The following PATJ variants were observed in gnomAD, a reference collection of about 807,000 sequenced individuals.
PATJ encodes PATJ crumbs cell polarity complex component, also known as inaD-like protein.
Under a neutral mutation model 224.9 loss-of-function variants are expected in PATJ, and 190 were observed. The ratio of observed to expected loss-of-function variants is 0.84; its 90% CI spans 0.75 to 0.95. The LOEUF is 0.95. Ranked by LOEUF, PATJ falls within the 40% of genes least tolerant of loss-of-function variation. The pLI, the probability that PATJ is intolerant of heterozygous loss-of-function variation, is 0.00. For missense variants in PATJ, 2,121 were observed against 2,270.3 expected (o/e 0.93, Z 1.34); for synonymous variants, 769 against 820.3 (o/e 0.94, Z 1.07).
chr1:62,144,777 A>AAATATATATATATATATATATAT (rs377489788), intron 41 of PATJ, among the ~76,000 whole-genome samples: 12 of 119,102 alleles, frequency 1.0e-4, no homozygotes, highest in South Asian at 5.4e-4. Flanking sequence ...AAAAAAAAAA[A>AAATATATATATATATATATATAT]ATATATATAT....
At chr1:62,142,393 C>T (rs1438606252) in intron 41 of PATJ, among the ~76,000 whole-genome samples, 1 of 152,112 alleles carries the variant, frequency 6.6e-6, no homozygotes, top group Non-Finnish European at 1.5e-5. Context: ...CTCCTTGTAA[C>T]CTCCATCAGT....
At chr1:62,100,493 T>A in intron 33 of PATJ, 1 of 679,532 alleles carries the variant, frequency 1.5e-6, no homozygotes, top group Non-Finnish European at 2.7e-6. Flanking sequence ...AATCCATCCT[T>A]GAGGGCAGAG....
intron 1 of PATJ, among the ~76,000 whole-genome samples, chr1:61,752,311 C>CT (rs370759266): frequency 0.39 from 48,148 of 123,896 alleles, 10,291 homozygotes; most frequent in African/African-American, 0.52. Context: ...TCATTTCTTT[C>CT]TTTTTTTTTT....
At chr1:61,746,852 A>G (rs946074402) in intron 1 of PATJ, among the ~76,000 whole-genome samples, 5 of 152,248 alleles carry the variant, frequency 3.3e-5, no homozygotes, top group African/African-American at 4.8e-5. Flanking sequence ...ATTTTCTTTC[A>G]GATTGCATTT....
intron 17 of PATJ, among the ~76,000 whole-genome samples, chr1:61,842,587 T>C (rs950633033): frequency 2.6e-5 from 4 of 152,018 alleles, no homozygotes; most frequent in African/African-American, 9.7e-5. Flanking sequence ...CTATAAATAT[T>C]AGTGTTTTTG....
At chr1:61,955,095 C>T (rs1680257791) in intron 27 of PATJ, among the ~76,000 whole-genome samples, 1 of 152,114 alleles carries the variant, frequency 6.6e-6, no homozygotes. Flanking sequence ...GTGAGGAATT[C>T]ATATTGCACA....
chr1:61,761,445 G>T (rs1002851943), intron 1 of PATJ, among the ~76,000 whole-genome samples: 2 of 152,150 alleles, frequency 1.3e-5, no homozygotes, highest in Non-Finnish European at 2.9e-5. Flanking sequence ...ATAAAGGGTA[G>T]ATTAACAAGA....
At chr1:61,822,621 G>T (rs1657517226) in intron 14 of PATJ, among the ~76,000 whole-genome samples, 1 of 152,064 alleles carries the variant, frequency 6.6e-6, no homozygotes, top group Admixed American at 6.6e-5. Flanking sequence ...AGGGGATGGG[G>T]AGTCCCATAG....
At chr1:62,149,686 A>G (rs889026799) in intron 42 of PATJ, among the ~76,000 whole-genome samples, 4 of 152,032 alleles carry the variant, frequency 2.6e-5, no homozygotes, top group African/African-American at 9.7e-5. Flanking sequence ...ATGGAAATAC[A>G]GAGATCCCCT....
chr1:62,002,134 C>T (rs564692043), intron 28 of PATJ, among the ~76,000 whole-genome samples: 6 of 152,110 alleles, frequency 3.9e-5, no homozygotes, highest in Admixed American at 6.6e-5. Flanking sequence ...GTTACCCATT[C>T]CAGAGGCCCC....
At chr1:61,983,849 G>C (rs1644584771) in intron 27 of PATJ, among the ~76,000 whole-genome samples, 1 of 152,016 alleles carries the variant, frequency 6.6e-6, no homozygotes, top group African/African-American at 2.4e-5. Flanking sequence ...ACTAGAGACA[G>C]GGTCTTGCTC....
rs115447832 is a variant in PATJ at position 61,914,615 on chromosome 1, A to G, written c.3521A>G (p.Asn1174Ser). The change falls in exon 26 of 44, where the codon AAC (asparagine) becomes AGC (serine). Residue 1174 changes from asparagine (N) to serine (S), a missense_variant. Coordinates refer to ENST00000642238, the MANE Select transcript of PATJ (RefSeq NM_001350145.3). ...RVIPNVHNKA[N>S]KITGNQNQDT... is the part of the protein sequence containing the mutation. Reference sequence around the variant, plus strand: ...ATTCCTAACGTACATAACAAGGCCAACAAAATCACCGGTAACCAGAACCAG... The same window carrying G: ...ATTCCTAACGTACATAACAAGGCCAGCAAAATCACCGGTAACCAGAACCAG... 5,486 of 1,581,378 alleles carry G rather than the reference A, an allele frequency of 3.5e-3. 166 individuals carry two copies. In the African/African-American group the frequency reaches 0.064, roughly 19 times the overall value.
intron 22 of PATJ, 93 bp from the exon 23 acceptor site, chr1:61,899,490 C>A: frequency 1.4e-6 from 1 of 712,926 alleles, no homozygotes; most frequent in Non-Finnish European, 2.2e-6. Context: ...CATTTAACTA[C>A]CTATAGATTT....
chr1:62,136,148 C>T (rs1666842888), intron 41 of PATJ, among the ~76,000 whole-genome samples: 1 of 150,660 alleles, frequency 6.6e-6, no homozygotes, highest in Non-Finnish European at 1.5e-5. Flanking sequence ...CTGCCTCAGC[C>T]TCCTGAGTAG....
intron 29 of PATJ, among the ~76,000 whole-genome samples, chr1:62,029,622 A>G (rs546904805): frequency 2.0e-5 from 3 of 152,358 alleles, no homozygotes; most frequent in Admixed American, 6.5e-5. Flanking sequence ...CCAAAAATAC[A>G]GTGAAATACC....
intron 28 of PATJ, among the ~76,000 whole-genome samples, chr1:62,002,486 C>T: frequency 6.6e-6 from 1 of 152,026 alleles, no homozygotes; most frequent in Non-Finnish European, 1.5e-5. Flanking sequence ...GCGGGTGGAT[C>T]ATTTGAGGTC....
chr1:61,957,015 G>A (rs748230722), intron 27 of PATJ, among the ~76,000 whole-genome samples: 5 of 152,156 alleles, frequency 3.3e-5, no homozygotes, highest in Non-Finnish European at 7.3e-5. Flanking sequence ...CATTTAAATA[G>A]TCATTTCCTC....
intron 41 of PATJ, among the ~76,000 whole-genome samples, chr1:62,133,439 G>A (rs1259237500): frequency 4.6e-5 from 7 of 152,052 alleles, no homozygotes; most frequent in East Asian, 1.9e-4. Flanking sequence ...AAAATTAGCC[G>A]GGTGTGTTGG....
rs1218856613 is a variant in PATJ at position 62,144,775 on chromosome 1, A to ATATATATAT, written c.5272-3509_5272-3508insTATATATAT. Among the ~76,000 whole-genome samples, 254 of 90,832 alleles carry ATATATATAT rather than the reference A, an allele frequency of 2.8e-3. 3 individuals carry two copies. Among genetic ancestry groups the ATATATATAT allele is most frequent in the African/African-American group, 8.7e-3 (223 of 25,558 alleles). The allele number at this position is 90,832 out of a possible 152,430, so 59.6% of individuals were successfully genotyped here. A position where few individuals can be genotyped will look rare whatever the true frequency, so the allele number is the denominator to read the frequency against. On this transcript the variant is annotated intron_variant, in intron 41 of 43. Coordinates refer to ENST00000642238, the MANE Select transcript of PATJ (RefSeq NM_001350145.3). ...TCTAGAATGTTATTTGCAAAAAAAA[A>ATATATATAT]AAATATATATATATATATATAATTA... is the stretch of plus-strand genomic sequence containing the variant.
Sources: allele counts gnomAD v4.1 joint callset (sites outside exome capture counted in the v4.1 genomes callset), GRCh38; gene constraint gnomAD v4.1.1; transcripts MANE v1.5; gene names NCBI Gene and HGNC (gene_info 2026-07-23, HGNC 2026-07-21).